The following TXLNB variants were observed in gnomAD, a reference collection of about 807,000 sequenced individuals.
TXLNB encodes beta-taxilin.
In TXLNB, 37 loss-of-function variants were observed where a neutral mutation model predicts 57.4. The ratio of observed to expected loss-of-function variants is 0.64; its 90% CI spans 0.50 to 0.85. TXLNB has a LOEUF of 0.85. TXLNB is among the 40% of genes least tolerant of loss of function. The probability of loss-of-function intolerance (pLI) is 0.00; values close to 1 mark genes in which losing one functional copy is unlikely to be tolerated. For missense variants in TXLNB, 848 were observed against 825.6 expected (o/e 1.03, Z -0.33); for synonymous variants, 302 against 309.6 (o/e 0.98, Z 0.26).
At chr6:139,314,810 T>G in the TXLNB span, among the ~76,000 whole-genome samples, 1 of 152,220 alleles carries the variant, frequency 6.6e-6, no homozygotes, top group Non-Finnish European at 1.5e-5. Context: ...AATCCTCAAG[T>G]TGTCCTTGTT....
the TXLNB span, among the ~76,000 whole-genome samples, chr6:139,225,801 T>C: frequency 3.5e-4 from 53 of 152,322 alleles, no homozygotes; most frequent in African/African-American, 1.2e-3. Flanking sequence ...TGTGTGTGTG[T>C]TTGTGTGTGT....
rs1020069616 is a variant in TXLNB at position 139,284,618 on chromosome 6, T to G, written c.424+3858A>C. ...AAATTTCTAGGCAAAGAAACTAGAA[T>G]GTGCACAGGCCTTGTGGGAGATGGC... is the stretch of plus-strand genomic sequence containing the variant. On this transcript the variant is annotated intron_variant, in intron 2 of 9. Coordinates refer to ENST00000358430, the MANE Select transcript of TXLNB (RefSeq NM_153235.4). 1.3e-4 allele frequency among the ~76,000 whole-genome samples: 19 copies of G among 145,794 alleles called. 1 individual carries two copies. The highest frequency in any genetic ancestry group is 5.0e-5 in the African/African-American group (2 of 39,618).
the TXLNB span, among the ~76,000 whole-genome samples, chr6:139,216,927 G>T: frequency 1.3e-5 from 2 of 152,160 alleles, no homozygotes; most frequent in African/African-American, 2.4e-5. Context: ...CACTGCTCGG[G>T]TGTACCTGAT....
chr6:139,281,054 A>T (rs950182588), intron 2 of TXLNB, among the ~76,000 whole-genome samples: 8 of 151,816 alleles, frequency 5.3e-5, no homozygotes, highest in African/African-American at 1.7e-4. Flanking sequence ...TTATTTATTT[A>T]TTTTTTTATT....
chr6:139,239,841 T>TTCTCTCTCTGTCTCTCTCTG (rs570688541), downstream of TXLNB, among the ~76,000 whole-genome samples: 2 of 147,966 alleles, frequency 1.4e-5, no homozygotes, highest in Non-Finnish European at 2.9e-5. This position sits in a 1 kb window ranked among gnomAD's most constrained non-coding sequence, Gnocchi z 4.7. Flanking sequence ...CTCCCTCCCT[T>TTCTCTCTCTGTCTCTCTCTG]TCTCTCTCTG....
the TXLNB span, among the ~76,000 whole-genome samples, chr6:139,171,836 G>GT: frequency 3.8e-3 from 537 of 141,500 alleles, 3 homozygotes; most frequent in African/African-American, 5.9e-3. Flanking sequence ...TTGTTGTTGT[G>GT]TTTTTTTTTT....
the TXLNB span, among the ~76,000 whole-genome samples, chr6:139,198,323 A>G: frequency 6.6e-6 from 1 of 151,974 alleles, no homozygotes; most frequent in African/African-American, 2.4e-5. Context: ...GCCCTACTCA[A>G]CTGGAAGGTA....
At chr6:139,243,349 G>C (rs1399036873) in intron 9 of TXLNB, 35 bp from the exon 10 acceptor site, 5 of 1,558,856 alleles carry the variant, frequency 3.2e-6, no homozygotes, top group Admixed American at 3.8e-5. Context: ...TACACACACA[G>C]ATGAAATGAC....
chr6:139,277,636 A>G (rs978052045), intron 2 of TXLNB, among the ~76,000 whole-genome samples: 2 of 152,204 alleles, frequency 1.3e-5, no homozygotes. Flanking sequence ...TAATGGACAC[A>G]GCCTTCTCTG....
the TXLNB span, among the ~76,000 whole-genome samples, chr6:139,218,380 G>A: frequency 6.6e-6 from 1 of 152,172 alleles, no homozygotes; most frequent in Admixed American, 6.5e-5. Flanking sequence ...CACTTTGAGA[G>A]TTGTCCAGGT....
chr6:139,198,503 GAGAC>G, the TXLNB span, among the ~76,000 whole-genome samples: 2 of 150,366 alleles, frequency 1.3e-5, no homozygotes, highest in South Asian at 4.3e-4. Flanking sequence ...GTTACAATGT[GAGAC>G]AGATAAGCTG....
At chr6:139,175,523 C>T in the TXLNB span, among the ~76,000 whole-genome samples, 1 of 152,278 alleles carries the variant, frequency 6.6e-6, no homozygotes, top group Admixed American at 6.5e-5. Context: ...CCCCTCTGCA[C>T]ACACACACCG....
downstream of TXLNB, among the ~76,000 whole-genome samples, chr6:139,236,685 T>C (rs961059484): frequency 2.0e-5 from 3 of 152,024 alleles, 1 homozygote; most frequent in South Asian, 4.1e-4. Flanking sequence ...AGTGTGAAAA[T>C]AGACTAATAT....
chr6:139,305,503 C>T, the TXLNB span, among the ~76,000 whole-genome samples: 1 of 151,998 alleles, frequency 6.6e-6, no homozygotes, highest in East Asian at 1.9e-4. Context: ...TGTGGATTGA[C>T]CATGGAACAA....
chr6:139,193,838 A>G, the TXLNB span, among the ~76,000 whole-genome samples: 3 of 52,762 alleles, frequency 5.7e-5, no homozygotes, highest in Non-Finnish European at 1.2e-4. Context: ...ATATATATAT[A>G]TATTTTTTTT....
chr6:139,238,969 C>T (rs1775867147), downstream of TXLNB: 1 of 152,192 alleles, frequency 6.6e-6, no homozygotes, highest in African/African-American at 2.4e-5. Context: ...TGAAAAGCAG[C>T]ATCAGTTTTA....
downstream of TXLNB, chr6:139,239,670 AC>A (rs1775879323): frequency 6.6e-6 from 1 of 151,998 alleles, no homozygotes; most frequent in Non-Finnish European, 1.5e-5. The surrounding 1 kb of genome is among the most constrained non-coding windows in gnomAD (Gnocchi z 4.7). Context: ...TTTTTTTAAA[AC>A]ATTTTTTGTA....
At chr6:139,168,219 A>G in the TXLNB span, among the ~76,000 whole-genome samples, 1 of 152,102 alleles carries the variant, frequency 6.6e-6, no homozygotes, top group African/African-American at 2.4e-5. Flanking sequence ...ACTGGCTTTG[A>G]AGGTGGATGA....
intron 4 of TXLNB, 148 bp from the exon 5 acceptor site, chr6:139,262,921 A>G: frequency 1.4e-6 from 1 of 726,898 alleles, no homozygotes; most frequent in Non-Finnish European, 2.2e-6. Flanking sequence ...CCCCAAAATA[A>G]ATGTATGAGT....
Sources: gnomAD v4.1 joint callset for allele counts (sites outside exome capture counted in the v4.1 genomes callset) on GRCh38, gnomAD v4.1.1 for gene constraint, Gnocchi (gnomAD v3.1) non-coding constraint, MANE v1.5 for transcripts, NCBI Gene and HGNC (gene_info 2026-07-23, HGNC 2026-07-21) for gene names.